Variants in FBXO8 observed in about 807,000 individuals in gnomAD.
The protein encoded by FBXO8 is F-box only protein 8.
Under a neutral mutation model 33.4 loss-of-function variants are expected in FBXO8, and 15 were observed. That is an observed-to-expected ratio of 0.45 (90% confidence interval 0.30 to 0.69). FBXO8 has a LOEUF of 0.69. Ranked by LOEUF, FBXO8 falls within the 30% of genes least tolerant of loss-of-function variation. The probability of loss-of-function intolerance (pLI) is 0.08; values close to 1 mark genes in which losing one functional copy is unlikely to be tolerated. For synonymous variants in FBXO8, 132 were observed against 131.5 expected (o/e 1.00, Z -0.02); for missense variants, 274 against 380.3 (o/e 0.72, Z 2.32).
In FBXO8 at chr4:174,237,621, T is replaced by A; in HGVS notation, c.773-22A>T. 6.4e-7 allele frequency: 1 copy of A among 1,572,124 alleles called. No individual in the cohort carries two copies. Among genetic ancestry groups the A allele is most frequent in the Non-Finnish European group, 8.7e-7 (1 of 1,154,524 alleles). Reference sequence around the variant, plus strand: ...GCATCTGGAAAGAAAAAGAAACAGTTCAAATTATTAGTTGGTTTACAAAAT... The same window carrying A: ...GCATCTGGAAAGAAAAAGAAACAGTACAAATTATTAGTTGGTTTACAAAAT... On this transcript the variant is annotated intron_variant, in intron 5 of 5. Coordinates refer to ENST00000393674, the MANE Select transcript of FBXO8 (RefSeq NM_012180.3). The surrounding 1 kb of genome is among the most constrained non-coding windows in gnomAD (Gnocchi z 4.4).
chr4:174,262,969 T>A lies in FBXO8; in HGVS notation c.124A>T (p.Asn42Tyr). 1 of 1,614,022 alleles carries A rather than the reference T, an allele frequency of 6.2e-7. No homozygotes were observed. The highest frequency in any genetic ancestry group is 8.5e-7 in the Non-Finnish European group (1 of 1,179,916). Residue 42 changes from asparagine (N) to tyrosine (Y), a missense_variant, in exon 2 of 6, where the codon AAT becomes TAT. Asn to Tyr is a moderately radical substitution (Grantham distance 143). Coordinates refer to ENST00000393674, the MANE Select transcript of FBXO8 (RefSeq NM_012180.3). The surrounding 1 kb of genome is among the most constrained non-coding windows in gnomAD (Gnocchi z 4.6). ...RMAASNISNTNHRKQVQGGID... is the reference protein window; with the variant it reads ...RMAASNISNTYHRKQVQGGID... ...CCTCCTTGGACTTGTTTACGATGAT[T>A]GGTGTTAGAAATGTTGCTCGCAGCC...
intron 3 of FBXO8, among the ~76,000 whole-genome samples, chr4:174,250,003 A>G (rs996263282): frequency 1.3e-5 from 2 of 152,036 alleles, no homozygotes; most frequent in African/African-American, 4.8e-5. Context: ...GGCCTAGAAC[A>G]GTGCCTGGTT....
Position 174,265,040 on chromosome 4 carries a change from G to A in FBXO8, c.-8-1940C>T, listed in dbSNP as rs1304824705. ...AAAGATGCTCAACATCATATGTCGT[G>A]AGGGAACTGAAAATAACATAACTAT... On this transcript the variant is annotated intron_variant, in intron 1 of 5. Transcript: ENST00000393674. This position sits in a 1 kb window ranked among gnomAD's most constrained non-coding sequence, Gnocchi z 4.7. 2.0e-5 allele frequency among the ~76,000 whole-genome samples: 3 copies of A among 152,038 alleles called. No homozygotes were observed. Among genetic ancestry groups the A allele is most frequent in the African/African-American group, 7.2e-5 (3 of 41,422 alleles).
In FBXO8 at chr4:174,262,183, C is replaced by T. The variant is rs1486433824; in HGVS notation, c.329+581G>A. Reference sequence around the variant, plus strand: ...ATAAAAACAACTATTTGTCCCCTTGCTTTCTAATATTTGCCTACTTCATTG... The same window carrying T: ...ATAAAAACAACTATTTGTCCCCTTGTTTTCTAATATTTGCCTACTTCATTG... On this transcript the variant is annotated intron_variant, in intron 2 of 5. Coordinates refer to ENST00000393674, the MANE Select transcript of FBXO8 (RefSeq NM_012180.3). The surrounding 1 kb of genome is among the most constrained non-coding windows in gnomAD (Gnocchi z 4.6). 2.6e-5 allele frequency among the ~76,000 whole-genome samples: 4 copies of T among 152,028 alleles called. No individual in the cohort carries two copies. Among genetic ancestry groups the T allele is most frequent in the African/African-American group, 7.2e-5 (3 of 41,422 alleles).
chr4:174,239,065 A>T lies in FBXO8; in HGVS notation c.701T>A (p.Leu234His). The change falls in exon 5 of 6, where the codon CTT becomes CAT. Residue 234 changes from leucine (L) to histidine (H), a missense_variant. Physicochemically the swap from Leu to His is moderately conservative, Grantham distance 99. This residue lies in a region of FBXO8 where 186 missense variants were observed against 293.4 expected (regional missense o/e 0.63). Coordinates refer to ENST00000393674, the MANE Select transcript of FBXO8 (RefSeq NM_012180.3). ...PEERGEYLET[L>H]ITKFSHRFCA... is the part of the protein sequence containing the mutation. ...GAATCTATGTGAGAACTTTGTTATA[A>T]GAGTTTCAAGATACTCTCCACGCTC... 6.2e-7 allele frequency: 1 copy of T among 1,607,536 alleles called. No individual in the cohort carries two copies. Among genetic ancestry groups the T allele is most frequent in the Non-Finnish European group, 8.5e-7 (1 of 1,176,372 alleles).
Position 174,255,338 on chromosome 4 carries a change from A to G in FBXO8, c.456+4361T>C, listed in dbSNP as rs1411047031. Among the ~76,000 whole-genome samples, 1 of 152,190 alleles carries G rather than the reference A, an allele frequency of 6.6e-6. No individual in the cohort carries two copies. The highest frequency in any genetic ancestry group is 1.5e-5 in the Non-Finnish European group (1 of 68,026). ...ACATATATCTGAGATACTATTTTTA[A>G]GAACTGAATGTAAATTCCTGAAATG... On this transcript the variant is annotated intron_variant, in intron 3 of 5. Coordinates refer to ENST00000393674, the MANE Select transcript of FBXO8 (RefSeq NM_012180.3). This position sits in a 1 kb window ranked among gnomAD's most constrained non-coding sequence, Gnocchi z 4.3.
In FBXO8 at chr4:174,253,927, G is replaced by A. The variant is rs1736356343; in HGVS notation, c.456+5772C>T. 6.6e-6 allele frequency among the ~76,000 whole-genome samples: 1 copy of A among 152,008 alleles called. No homozygotes were observed. Among genetic ancestry groups the A allele is most frequent in the African/African-American group, 2.4e-5 (1 of 41,378 alleles). ...TGGTAGCATCTTGCTATCAAGAGAG[G>A]GTGAAAGTCAACACACTCAGGTCCA... On this transcript the variant is annotated intron_variant, in intron 3 of 5. Coordinates refer to ENST00000393674, the MANE Select transcript of FBXO8 (RefSeq NM_012180.3). The surrounding 1 kb of genome is among the most constrained non-coding windows in gnomAD (Gnocchi z 4.5).
intron 1 of FBXO8, among the ~76,000 whole-genome samples, chr4:174,273,337 A>AAG (rs1553975234): frequency 2.4e-5 from 3 of 124,698 alleles, no homozygotes; most frequent in Non-Finnish European, 5.4e-5. Context: ...AAAAAAAAAA[A>AAG]GAAAAGAAAA....
Position 174,251,569 on chromosome 4 carries a change from T to C in FBXO8, c.456+8130A>G, listed in dbSNP as rs1560868380. ...CTGCCTTCTTAACCATAAAATCACC[T>C]GATGGATTAGATTAAAAAGAGATGG... On this transcript the variant is annotated intron_variant, in intron 3 of 5. Transcript: ENST00000393674. The surrounding 1 kb of genome is among the most constrained non-coding windows in gnomAD (Gnocchi z 4.2). Among the ~76,000 whole-genome samples, 1 of 152,018 alleles carries C rather than the reference T, an allele frequency of 6.6e-6. No homozygotes were observed. Among genetic ancestry groups the C allele is most frequent in the Non-Finnish European group, 1.5e-5 (1 of 68,006 alleles).
rs1462071948 is a variant in FBXO8 at position 174,261,211 on chromosome 4, G to T, written c.330-1386C>A. ...CCCAAAACTAGAGTTTTATTACTAA[G>T]CTTTGTGAAAACCAGAGAACTTCCC... On this transcript the variant is annotated intron_variant, in intron 2 of 5. Coordinates refer to ENST00000393674, the MANE Select transcript of FBXO8 (RefSeq NM_012180.3). The surrounding 1 kb of genome is among the most constrained non-coding windows in gnomAD (Gnocchi z 4.1). Among the ~76,000 whole-genome samples, 1 of 151,778 alleles carries T rather than the reference G, an allele frequency of 6.6e-6. No individual in the cohort carries two copies. The highest frequency in any genetic ancestry group is 1.5e-5 in the Non-Finnish European group (1 of 67,770).
intron 1 of FBXO8, among the ~76,000 whole-genome samples, chr4:174,264,813 A>T (rs544216910): frequency 6.6e-6 from 1 of 151,720 alleles, no homozygotes; most frequent in Non-Finnish European, 1.5e-5. Context: ...AAAAAACAGA[A>T]TATCGGGAAA....
chr4:174,265,228 T>A lies in FBXO8; in HGVS notation c.-8-2128A>T, dbSNP rs1736666678. Among the ~76,000 whole-genome samples, 1 of 151,830 alleles carries A rather than the reference T, an allele frequency of 6.6e-6. No homozygotes were observed. Among genetic ancestry groups the A allele is most frequent in the South Asian group, 2.1e-4 (1 of 4,802 alleles). ...TATGATTCAGCATTAGCTGAATCAT[T>A]TACCTAAATAAAAGCTTTTTATTTA... On this transcript the variant is annotated intron_variant, in intron 1 of 5. Transcript: ENST00000393674. The surrounding 1 kb of genome is among the most constrained non-coding windows in gnomAD (Gnocchi z 4.7).
At position 174,237,428 on chromosome 4, in the gene FBXO8, C is replaced by G; in HGVS notation, c.944G>C (p.Gly315Ala). Residue 315 changes from glycine to alanine, a missense_variant, in exon 6 of 6, where the codon GGC (glycine) becomes GCC (alanine). Coordinates refer to ENST00000393674, the MANE Select transcript of FBXO8 (RefSeq NM_012180.3). This position sits in a 1 kb window ranked among gnomAD's most constrained non-coding sequence, Gnocchi z 4.4. ...GHLYDNIYLI[G>A]HVAA ...TTGTGCTTTTTATGCAGCCACATGGCCAATAAGGTAGATATTGTCATAAAG... is the reference window on the plus strand; with the variant it reads ...TTGTGCTTTTTATGCAGCCACATGGGCAATAAGGTAGATATTGTCATAAAG... 6.2e-7 allele frequency: 1 copy of G among 1,612,046 alleles called. No individual in the cohort carries two copies.
chr4:174,242,144 C>T (rs1736054136), intron 3 of FBXO8, among the ~76,000 whole-genome samples: 1 of 151,554 alleles, frequency 6.6e-6, no homozygotes, highest in African/African-American at 2.4e-5. Context: ...TGTCTGGATA[C>T]TAGCACACTA....
intron 1 of FBXO8, among the ~76,000 whole-genome samples, chr4:174,282,489 C>A (rs1460703918): frequency 6.6e-6 from 1 of 151,888 alleles, no homozygotes; most frequent in African/African-American, 2.4e-5. Context: ...ATTTCTGACC[C>A]AATATGAAAA....
chr4:174,241,447 T>C lies in FBXO8; in HGVS notation c.457-229A>G, dbSNP rs781434851. Among the ~76,000 whole-genome samples, 1 of 151,592 alleles carries C rather than the reference T, an allele frequency of 6.6e-6. No individual in the cohort carries two copies. The highest frequency in any genetic ancestry group is 1.5e-5 in the Non-Finnish European group (1 of 67,630). ...TTCAAAGTTAAGACTGTTAAAGAAA[T>C]CTTATTTAATTTTCTGGCTCATGTC... On this transcript the variant is annotated intron_variant, in intron 3 of 5. Coordinates refer to ENST00000393674, the MANE Select transcript of FBXO8 (RefSeq NM_012180.3). This position sits in a 1 kb window ranked among gnomAD's most constrained non-coding sequence, Gnocchi z 4.2.
In FBXO8 at chr4:174,237,635, G is replaced by A; in HGVS notation, c.773-36C>T. The A allele has an allele frequency of 2.0e-6, 3 of 1,529,642 alleles. No individual in the cohort carries two copies. Among genetic ancestry groups the A allele is most frequent in the Non-Finnish European group, 2.7e-6 (3 of 1,127,088 alleles). 94.8% of individuals were successfully genotyped at this position (1,529,642 alleles called of 1,614,324 possible). On this transcript the variant is annotated intron_variant, in intron 5 of 5. Coordinates refer to ENST00000393674, the MANE Select transcript of FBXO8 (RefSeq NM_012180.3). The surrounding 1 kb of genome is among the most constrained non-coding windows in gnomAD (Gnocchi z 4.4). The stretch of plus-strand genomic sequence containing the variant: ...AAAGAAACAGTTCAAATTATTAGTT[G>A]GTTTACAAAATATGATTCCAATGGC...
chr4:174,256,717 A>C lies in FBXO8; in HGVS notation c.456+2982T>G, dbSNP rs1736425001. On this transcript the variant is annotated intron_variant, in intron 3 of 5. Transcript: ENST00000393674. The surrounding 1 kb of genome is among the most constrained non-coding windows in gnomAD (Gnocchi z 4.6). ...ATATTTCCTAAGTGCATTCTGGTAA[A>C]GATAGCATTTTCTTTTGCTATTAGG... Among the ~76,000 whole-genome samples, 1 of 152,158 alleles carries C rather than the reference A, an allele frequency of 6.6e-6. No individual in the cohort carries two copies.
chr4:174,257,394 A>G lies in FBXO8; in HGVS notation c.456+2305T>C, dbSNP rs1285985590. 6.6e-6 allele frequency among the ~76,000 whole-genome samples: 1 copy of G among 152,136 alleles called. No individual in the cohort carries two copies. The highest frequency in any genetic ancestry group is 2.4e-5 in the African/African-American group (1 of 41,428). ...TTTTCTGACTCTGTAACAATCTACA[A>G]CTTAGTACTTACCAGGTTACATTTC... On this transcript the variant is annotated intron_variant, in intron 3 of 5. Coordinates refer to ENST00000393674, the MANE Select transcript of FBXO8 (RefSeq NM_012180.3). The surrounding 1 kb of genome is among the most constrained non-coding windows in gnomAD (Gnocchi z 4.3).
Sources: allele counts gnomAD v4.1 joint callset (sites outside exome capture counted in the v4.1 genomes callset), GRCh38; gene constraint gnomAD v4.1.1; regional missense constraint gnomAD v4.1.1; non-coding constraint Gnocchi (gnomAD v3.1); transcripts MANE v1.5; gene names NCBI Gene and HGNC (gene_info 2026-07-23, HGNC 2026-07-21).